The following PPP2R5A variants were observed in gnomAD, a reference collection of about 807,000 sequenced individuals.
PPP2R5A encodes serine/threonine-protein phosphatase 2A 56 kDa regulatory subunit alpha isoform.
PPP2R5A carries 25 observed loss-of-function variants against 64.2 expected under a neutral mutation model. That is an observed-to-expected ratio of 0.39 (90% confidence interval 0.28 to 0.54). PPP2R5A has a LOEUF of 0.54. Ranked by LOEUF, PPP2R5A falls within the 20% of genes least tolerant of loss-of-function variation. The pLI is 0.67. For synonymous variants in PPP2R5A, 198 were observed against 201.2 expected (o/e 0.98, Z 0.13); for missense variants, 425 against 576.3 (o/e 0.74, Z 2.69).
chr1:212,306,675 A>G (rs1345678242), intron 1 of PPP2R5A: 1 of 151,964 alleles, frequency 6.6e-6, no homozygotes, highest in Non-Finnish European at 1.5e-5. Flanking sequence ...CTGGAGACTT[A>G]GATCATTTTT....
intron 1 of PPP2R5A, among the ~76,000 whole-genome samples, chr1:212,302,519 TTA>T (rs1301133385): frequency 6.6e-6 from 1 of 152,208 alleles, no homozygotes; most frequent in African/African-American, 2.4e-5. Flanking sequence ...CTTTAAACTT[TTA>T]GTGTCTCTCA....
At chr1:212,347,278 C>A in intron 5 of PPP2R5A, 69 bp from the exon 6 acceptor site, 1 of 1,137,388 alleles carries the variant, frequency 8.8e-7, no homozygotes, top group Non-Finnish European at 1.3e-6. Context: ...TTTCTTCACC[C>A]TCCTGCCTGT....
intron 1 of PPP2R5A, among the ~76,000 whole-genome samples, chr1:212,314,555 C>G (rs1659108041): frequency 7.3e-6 from 1 of 137,362 alleles, no homozygotes; most frequent in African/African-American, 3.5e-5. Context: ...GCCACCAAGC[C>G]TATTTTTTTT....
At position 212,309,759 on chromosome 1, in the gene PPP2R5A, T is replaced by C. The variant is rs375385379; in HGVS notation, c.182-19376T>C. Among the ~76,000 whole-genome samples, 10 of 152,228 alleles carry C rather than the reference T, an allele frequency of 6.6e-5. No individual in the cohort carries two copies. In the South Asian group the frequency reaches 8.3e-4, roughly 13 times the overall value. On this transcript the variant is annotated intron_variant, in intron 1 of 12. Coordinates refer to ENST00000261461, the MANE Select transcript of PPP2R5A (RefSeq NM_006243.4). ...AACCTTTTGGCTTCCCTGGGCCACA[T>C]TGGAAGAATTGTCTTGGGCCACACA...
intron 1 of PPP2R5A, among the ~76,000 whole-genome samples, chr1:212,314,279 C>G (rs1467149482): frequency 6.6e-6 from 1 of 152,148 alleles, no homozygotes; most frequent in Non-Finnish European, 1.5e-5. Flanking sequence ...TTTTCTAGTC[C>G]TTTAGCTGAG....
At chr1:212,300,564 T>C (rs938888897) in intron 1 of PPP2R5A, among the ~76,000 whole-genome samples, 1 of 152,232 alleles carries the variant, frequency 6.6e-6, no homozygotes. Context: ...TTTTAAATTT[T>C]TGAGCATCTT....
chr1:212,336,306 G>A (rs1382556605), intron 3 of PPP2R5A, among the ~76,000 whole-genome samples: 2 of 152,076 alleles, frequency 1.3e-5, no homozygotes, highest in East Asian at 3.9e-4. Context: ...AGTAGAGATG[G>A]GGTTTCAGCA....
chr1:212,311,835 T>G (rs1659039635), intron 1 of PPP2R5A, among the ~76,000 whole-genome samples: 1 of 152,236 alleles, frequency 6.6e-6, no homozygotes, highest in Non-Finnish European at 1.5e-5. Flanking sequence ...CAGTGTGTGT[T>G]TTAAGCTATG....
intron 1 of PPP2R5A, among the ~76,000 whole-genome samples, chr1:212,306,384 T>A (rs1658901859): frequency 6.6e-6 from 1 of 151,988 alleles, no homozygotes; most frequent in Middle Eastern, 3.4e-3. Flanking sequence ...AATTAAAAAA[T>A]AAAAGATTGA....
At chr1:212,311,489 C>T (rs1322159567) in intron 1 of PPP2R5A, among the ~76,000 whole-genome samples, 1 of 151,844 alleles carries the variant, frequency 6.6e-6, no homozygotes, top group Non-Finnish European at 1.5e-5. Flanking sequence ...GTATATATAG[C>T]ATATACAATT....
chr1:212,326,256 TA>T (rs1428916528), intron 1 of PPP2R5A, among the ~76,000 whole-genome samples: 10 of 151,672 alleles, frequency 6.6e-5, no homozygotes, highest in Non-Finnish European at 1.3e-4. Context: ...TTTTTTTTTT[TA>T]AGGATACATA....
At chr1:212,343,206 GCCT>G (rs1659716778) in intron 4 of PPP2R5A, among the ~76,000 whole-genome samples, 1 of 152,112 alleles carries the variant, frequency 6.6e-6, no homozygotes. Context: ...TCCCACCTCA[GCCT>G]CCTAAAGAGC....
intron 3 of PPP2R5A, among the ~76,000 whole-genome samples, chr1:212,339,613 A>G (rs1206303160): frequency 2.0e-5 from 3 of 152,218 alleles, no homozygotes; most frequent in Non-Finnish European, 4.4e-5. Flanking sequence ...GATGAAAACT[A>G]TGAAAGAATT....
chr1:212,324,404 CTG>C (rs1052356695), intron 1 of PPP2R5A, among the ~76,000 whole-genome samples: 5 of 152,300 alleles, frequency 3.3e-5, no homozygotes, highest in African/African-American at 1.2e-4. Context: ...TGGCGCATGA[CTG>C]TATTTTCCAA....
At chr1:212,355,527 C>T (rs12133636) in intron 8 of PPP2R5A, among the ~76,000 whole-genome samples, 6,041 of 152,160 alleles carry the variant, frequency 0.04, 515 homozygotes, top group East Asian at 0.36. Context: ...GGTTTTACAG[C>T]CTGTCTCTAA....
At chr1:212,312,559 T>C (rs1659059636) in intron 1 of PPP2R5A, among the ~76,000 whole-genome samples, 1 of 152,172 alleles carries the variant, frequency 6.6e-6, no homozygotes, top group African/African-American at 2.4e-5. Flanking sequence ...AATTTTAGCT[T>C]TTTTTGTAGT....
intron 1 of PPP2R5A, among the ~76,000 whole-genome samples, chr1:212,327,491 T>G (rs1466073068): frequency 1.3e-5 from 2 of 152,156 alleles, no homozygotes; most frequent in Non-Finnish European, 2.9e-5. Flanking sequence ...CTCGGCTCAT[T>G]GCAACCCCCA....
chr1:212,309,413 T>C, intron 1 of PPP2R5A: 1 of 1,316,004 alleles, frequency 7.6e-7, no homozygotes, highest in South Asian at 1.2e-5. Context: ...TTCTTTTTTT[T>C]GTGGCTGTGG....
rs1157798977 is a variant in PPP2R5A, at chr1:212,357,252, T to G, written c.1194T>G (p.Ser398Arg). 3.1e-6 allele frequency: 5 copies of G among 1,589,986 alleles called. No homozygotes were observed. The Admixed American group carries it at 9.4e-5, about 30-fold the overall frequency. ...AAATTCTGCCAATTATGTTTGCCAG[T>G]TTGTACAAAATTTCCAAAGAACACT... ...IDKILPIMFA[S>R]LYKISKEHWN... Residue 398 changes from serine (S) to arginine (R), a missense_variant, in exon 11 of 13, where the codon AGT becomes AGG. Coordinates refer to ENST00000261461, the MANE Select transcript of PPP2R5A (RefSeq NM_006243.4).
Sources: gnomAD v4.1 joint callset for allele counts (sites outside exome capture counted in the v4.1 genomes callset) on GRCh38, gnomAD v4.1.1 for gene constraint, MANE v1.5 for transcripts, NCBI Gene and HGNC (gene_info 2026-07-23, HGNC 2026-07-21) for gene names.